XKR6: variants seen among roughly 807,000 people sequenced by gnomAD.
The protein encoded by XKR6 is XK related 6, also known as XK-related protein 6.
XKR6 carries 22 observed loss-of-function variants against 56.7 expected under a neutral mutation model. The ratio of observed to expected loss-of-function variants is 0.39; its 90% CI spans 0.28 to 0.55. XKR6 has a LOEUF of 0.55. Among genes scored for constraint, XKR6 ranks in the 20% least tolerant of loss-of-function variants. The pLI, the probability that XKR6 is intolerant of heterozygous loss-of-function variation, is 0.66. For missense variants in XKR6, 852 were observed against 889.0 expected, an observed-to-expected ratio of 0.96 and a Z score of 0.53; for synonymous variants, 524 against 387.8, an observed-to-expected ratio of 1.35 and a Z score of -4.13.
In XKR6 at chr8:10,943,494, C is replaced by T. The variant is rs539955528; in HGVS notation, c.765-18664G>A. 9.2e-5 allele frequency among the ~76,000 whole-genome samples: 14 copies of T among 152,292 alleles called. No homozygotes were observed. In the East Asian group the frequency reaches 2.5e-3, roughly 27 times the overall value. Reference sequence around the variant, plus strand: ...CAGACCTTCCTAAGGGTGCCCCTCTCTGTATCTGCTCCTGCTGTCCCCTCT... The same window carrying T: ...CAGACCTTCCTAAGGGTGCCCCTCTTTGTATCTGCTCCTGCTGTCCCCTCT... On this transcript the variant is annotated intron_variant, in intron 1 of 2. Transcript: ENST00000416569.
intron 1 of XKR6, among the ~76,000 whole-genome samples, chr8:11,136,365 G>A (rs1800394198): frequency 6.6e-6 from 1 of 152,208 alleles, no homozygotes; most frequent in Non-Finnish European, 1.5e-5. Context: ...TTAGCTGGGT[G>A]TGGTGGCGGG....
intron 1 of XKR6, chr8:11,124,853 G>C (rs1054957418): frequency 7.2e-5 from 11 of 151,880 alleles, no homozygotes; most frequent in African/African-American, 2.7e-4. Flanking sequence ...CGGAGGCTGA[G>C]GCAGGTGAAT....
chr8:11,100,244 G>T (rs576994403), intron 1 of XKR6, among the ~76,000 whole-genome samples: 1 of 152,180 alleles, frequency 6.6e-6, no homozygotes, highest in East Asian at 1.9e-4. Context: ...TGTAGAGACG[G>T]GGTCTTGCCA....
intron 1 of XKR6, among the ~76,000 whole-genome samples, chr8:10,943,971 G>C (rs943428788): frequency 2.0e-5 from 3 of 152,164 alleles, no homozygotes; most frequent in African/African-American, 4.8e-5. Context: ...GCTTGCCTCT[G>C]TTTCCCACCC....
At chr8:11,021,178 TG>T (rs1798742001) in intron 1 of XKR6, among the ~76,000 whole-genome samples, 4 of 152,206 alleles carry the variant, frequency 2.6e-5, no homozygotes, top group Admixed American at 6.5e-5. Context: ...CCAGAAACTC[TG>T]TGTCCTAAGA....
chr8:11,176,873 T>C (rs1802684309), intron 1 of XKR6, among the ~76,000 whole-genome samples: 1 of 152,202 alleles, frequency 6.6e-6, no homozygotes, highest in African/African-American at 2.4e-5. Flanking sequence ...GGCAGCAAGA[T>C]GCCCCTGCCA....
At chr8:11,017,737 G>C (rs950911055) in intron 1 of XKR6, among the ~76,000 whole-genome samples, 2 of 152,196 alleles carry the variant, frequency 1.3e-5, no homozygotes, top group Non-Finnish European at 2.9e-5. Flanking sequence ...TCCTGAGGAC[G>C]GGCTGAGGTT....
intron 1 of XKR6, among the ~76,000 whole-genome samples, chr8:11,079,411 G>C (rs1797635394): frequency 6.6e-6 from 1 of 152,222 alleles, no homozygotes; most frequent in South Asian, 2.1e-4. Flanking sequence ...AGTGGATAAA[G>C]CAAATTGCAG....
chr8:10,966,515 T>C (rs942253899), intron 1 of XKR6, among the ~76,000 whole-genome samples: 3 of 151,738 alleles, frequency 2.0e-5, no homozygotes, highest in Admixed American at 6.6e-5. Flanking sequence ...CTACTAAAAA[T>C]ACAAAAAAAT....
intron 1 of XKR6, among the ~76,000 whole-genome samples, chr8:10,967,626 A>C (rs1287596050): frequency 6.6e-6 from 1 of 152,176 alleles, no homozygotes; most frequent in East Asian, 1.9e-4. Context: ...GAAGTGGGCA[A>C]GGTAACAAGA....
rs1325125438 is a variant in XKR6, at chr8:11,047,719, C to T, written c.765-122889G>A. 2.6e-5 allele frequency among the ~76,000 whole-genome samples: 4 copies of T among 152,070 alleles called. No homozygotes were observed. The East Asian group carries it at 5.8e-4, about 22-fold the overall frequency. ...GATAGTGGTGATGGTTGCACAACAG[C>T]GCGAGTGTACTTAATGCCACCAAAC... On this transcript the variant is annotated intron_variant, in intron 1 of 2. Transcript: ENST00000416569.
intron 1 of XKR6, among the ~76,000 whole-genome samples, chr8:11,110,657 T>A (rs1352271576): frequency 6.6e-6 from 1 of 152,196 alleles, no homozygotes; most frequent in Admixed American, 6.5e-5. Flanking sequence ...CCCAGAATGC[T>A]TCTCAAGTTT....
chr8:10,914,179 GC>G (rs5889349), intron 2 of XKR6, among the ~76,000 whole-genome samples: 48,059 of 151,864 alleles, frequency 0.32, 8,351 homozygotes, highest in African/African-American at 0.43. Context: ...CCCCCACCCA[GC>G]CCACTGCCGT....
chr8:11,005,167 G>A (rs562684968), intron 1 of XKR6, among the ~76,000 whole-genome samples: 15 of 133,554 alleles, frequency 1.1e-4, no homozygotes, highest in South Asian at 9.5e-4. Context: ...GCATACATAC[G>A]TGGAACAAAG....
intron 1 of XKR6, among the ~76,000 whole-genome samples, chr8:10,943,752 G>A (rs1563302513): frequency 1.3e-5 from 2 of 152,312 alleles, no homozygotes; most frequent in South Asian, 2.1e-4. Flanking sequence ...TACCCAGGTG[G>A]TTGACTCGAG....
chr8:11,199,385 C>T (rs545159486), intron 1 of XKR6, among the ~76,000 whole-genome samples: 1 of 152,328 alleles, frequency 6.6e-6, no homozygotes, highest in Non-Finnish European at 1.5e-5. Context: ...AAAAAGACAG[C>T]AGACTTTATT....
chr8:10,927,021 G>A (rs1230889174), intron 1 of XKR6, among the ~76,000 whole-genome samples: 1 of 152,210 alleles, frequency 6.6e-6, no homozygotes, highest in Non-Finnish European at 1.5e-5. Flanking sequence ...CAAAGGTGAA[G>A]GGAGCAGTGT....
At chr8:11,123,675 A>G (rs1799591926) in intron 1 of XKR6, 4 of 357,892 alleles carry the variant, frequency 1.1e-5, no homozygotes, top group Non-Finnish European at 2.2e-5. Context: ...CTTTATGTAT[A>G]TATACTTGTC....
chr8:11,162,544 C>T (rs930339047), intron 1 of XKR6, among the ~76,000 whole-genome samples: 4 of 152,100 alleles, frequency 2.6e-5, no homozygotes, highest in African/African-American at 7.2e-5. Flanking sequence ...CATTTAAAAG[C>T]AGCTAAATTG....
Sources: allele counts gnomAD v4.1 joint callset (sites outside exome capture counted in the v4.1 genomes callset), GRCh38; gene constraint gnomAD v4.1.1; transcripts MANE v1.5; gene names NCBI Gene and HGNC (gene_info 2026-07-23, HGNC 2026-07-21).